Variants in CREB5 observed in about 807,000 individuals in gnomAD.
CREB5 encodes the protein cAMP responsive element binding protein 5.
In CREB5, 19 loss-of-function variants were observed where a neutral mutation model predicts 57.1. That is an observed-to-expected ratio of 0.33 (90% CI 0.23 to 0.49). The LOEUF is 0.49. Ranked by LOEUF, CREB5 falls within the 20% of genes least tolerant of loss-of-function variation. The pLI, the probability that CREB5 is intolerant of heterozygous loss-of-function variation, is 0.99. For synonymous variants in CREB5, 238 were observed against 238.3 expected (o/e 1.00, Z 0.01); for missense variants, 579 against 671.6 (o/e 0.86, Z 1.52).
chr7:28,602,502 T>C (rs917392076), intron 5 of CREB5, among the ~76,000 whole-genome samples: 6 of 152,212 alleles, frequency 3.9e-5, no homozygotes, highest in African/African-American at 1.4e-4. Context: ...CTGTGGTATA[T>C]TCATGTCATG....
intron 7 of CREB5, among the ~76,000 whole-genome samples, chr7:28,753,756 T>A (rs1805118749): frequency 6.6e-6 from 1 of 152,136 alleles, no homozygotes; most frequent in Non-Finnish European, 1.5e-5. Context: ...GTGAAATGAT[T>A]AAAATTTTTA....
intron 1 of CREB5, among the ~76,000 whole-genome samples, chr7:28,314,165 T>C (rs1251956966): frequency 1.3e-5 from 2 of 152,334 alleles, no homozygotes; most frequent in South Asian, 2.1e-4. Flanking sequence ...CTGATGTTTC[T>C]TGTAGCTATG....
At chr7:28,347,525 G>A (rs1400619807) in intron 1 of CREB5, among the ~76,000 whole-genome samples, 1 of 152,210 alleles carries the variant, frequency 6.6e-6, no homozygotes, top group East Asian at 1.9e-4. Flanking sequence ...AGCATTTAAT[G>A]TGTCACAATA....
intron 5 of CREB5, among the ~76,000 whole-genome samples, chr7:28,708,432 T>C (rs1263848164): frequency 6.6e-6 from 1 of 151,588 alleles, no homozygotes; most frequent in East Asian, 1.9e-4. Flanking sequence ...GGGTGGAGGG[T>C]GTCATAAATT....
chr7:28,546,889 A>G (rs1040736388), intron 4 of CREB5, among the ~76,000 whole-genome samples: 1 of 152,152 alleles, frequency 6.6e-6, no homozygotes, highest in Admixed American at 6.5e-5. Context: ...CTTGGTGTGG[A>G]TAGAGCTGGG....
chr7:28,423,598 A>G (rs1788368485), intron 1 of CREB5, among the ~76,000 whole-genome samples: 1 of 151,804 alleles, frequency 6.6e-6, no homozygotes, highest in Admixed American at 6.6e-5. Context: ...TGGAGTCAGG[A>G]TAAGCCTGAC....
chr7:28,643,766 GAA>G (rs368530292), intron 5 of CREB5, among the ~76,000 whole-genome samples: 15,812 of 141,850 alleles, frequency 0.11, 940 homozygotes, highest in Middle Eastern at 0.18. Context: ...GGGGGCGGAA[GAA>G]AAAAAAAAAA....
At chr7:28,397,769 C>T (rs1462101306) in intron 1 of CREB5, among the ~76,000 whole-genome samples, 1 of 152,068 alleles carries the variant, frequency 6.6e-6, no homozygotes, top group Non-Finnish European at 1.5e-5. Context: ...AAAGCCTGTC[C>T]CATGTGTCTC....
At chr7:28,739,114 T>G (rs1583646441) in intron 7 of CREB5, among the ~76,000 whole-genome samples, 1 of 151,816 alleles carries the variant, frequency 6.6e-6, no homozygotes, top group South Asian at 2.1e-4. Flanking sequence ...GGCTGGGAGG[T>G]GTCTAGAGTG....
intron 1 of CREB5, among the ~76,000 whole-genome samples, chr7:28,403,181 G>T (rs917218820): frequency 6.6e-6 from 1 of 152,126 alleles, no homozygotes. Flanking sequence ...GTGCAGATTT[G>T]TTAACCTAAA....
chr7:28,377,807 C>T (rs1786866477), intron 1 of CREB5, among the ~76,000 whole-genome samples: 2 of 151,622 alleles, frequency 1.3e-5, no homozygotes, highest in Admixed American at 1.3e-4. Flanking sequence ...TGGCGGGCTC[C>T]TGTAGTCCCA....
chr7:28,651,234 TAGA>T (rs1799118342), intron 5 of CREB5, among the ~76,000 whole-genome samples: 1 of 152,168 alleles, frequency 6.6e-6, no homozygotes, highest in Non-Finnish European at 1.5e-5. Flanking sequence ...CAGGCCAATA[TAGA>T]AGAATACTAC....
At chr7:28,699,133 G>C (rs1801719191) in intron 5 of CREB5, among the ~76,000 whole-genome samples, 1 of 151,314 alleles carries the variant, frequency 6.6e-6, no homozygotes, top group African/African-American at 2.4e-5. Context: ...GGATGACCAA[G>C]GTTTGCTTCC....
intron 5 of CREB5, among the ~76,000 whole-genome samples, chr7:28,588,991 G>A (rs1796397443): frequency 6.6e-6 from 1 of 152,170 alleles, no homozygotes; most frequent in Non-Finnish European, 1.5e-5. Flanking sequence ...TAAGTGTGGA[G>A]TCAGAAAACG....
intron 7 of CREB5, among the ~76,000 whole-genome samples, chr7:28,753,388 A>ACACACACT (rs1805095486): frequency 6.6e-6 from 1 of 152,200 alleles, no homozygotes; most frequent in African/African-American, 2.4e-5. Flanking sequence ...ATACACACAC[A>ACACACACT]CACACACTCA....
intron 5 of CREB5, among the ~76,000 whole-genome samples, chr7:28,627,583 A>G (rs1276054346): frequency 2.0e-5 from 3 of 152,200 alleles, no homozygotes; most frequent in Non-Finnish European, 4.4e-5. Flanking sequence ...AGTAAAATTC[A>G]TTTAAATGAC....
intron 7 of CREB5, among the ~76,000 whole-genome samples, chr7:28,772,838 G>A (rs1404790202): frequency 1.3e-5 from 2 of 152,160 alleles, no homozygotes; most frequent in Non-Finnish European, 1.5e-5. Flanking sequence ...TGCATTTTGG[G>A]GCGGGCAGAG....
At chr7:28,652,426 A>T (rs141066717) in intron 5 of CREB5, among the ~76,000 whole-genome samples, 1 of 152,214 alleles carries the variant, frequency 6.6e-6, no homozygotes, top group Admixed American at 6.5e-5. Flanking sequence ...CAGAAACATG[A>T]GTATTTATAG....
At chr7:28,497,150 G>C (rs1792091070) in intron 3 of CREB5, among the ~76,000 whole-genome samples, 1 of 152,338 alleles carries the variant, frequency 6.6e-6, no homozygotes, top group Non-Finnish European at 1.5e-5. Context: ...TATGTAGGGA[G>C]ATTACTACTA....
Sources: allele counts gnomAD v4.1 joint callset (sites outside exome capture counted in the v4.1 genomes callset), GRCh38; gene constraint gnomAD v4.1.1; transcripts MANE v1.5; gene names NCBI Gene and HGNC (gene_info 2026-07-23, HGNC 2026-07-21).